The following HSP90AA1 variants were observed in gnomAD, a reference collection of about 807,000 sequenced individuals.
HSP90AA1 encodes heat shock protein 90 alpha family class A member 1, also known as heat shock protein HSP 90-alpha.
In HSP90AA1, 18 loss-of-function variants were observed where a neutral mutation model predicts 73.3. That is an observed-to-expected ratio of 0.25 (90% CI 0.17 to 0.36). HSP90AA1 has a LOEUF of 0.36. Among genes scored for constraint, HSP90AA1 ranks in the 10% least tolerant of loss-of-function variants. The pLI is 1.00. For synonymous variants in HSP90AA1, 477 were observed against 296.9 expected (o/e 1.61, Z -6.24); for missense variants, 704 against 874.2 (o/e 0.81, Z 2.45).
chr14:102,093,587 C>T (rs1417576856), intron 2 of HSP90AA1, among the ~76,000 whole-genome samples: 2 of 152,014 alleles, frequency 1.3e-5, no homozygotes, highest in Non-Finnish European at 2.9e-5. Flanking sequence ...GAATTCTGGT[C>T]CTGCCACTCG....
At chr14:102,129,490 T>G (rs1307577383) in intron 1 of HSP90AA1, among the ~76,000 whole-genome samples, 1 of 146,408 alleles carries the variant, frequency 6.8e-6, no homozygotes, top group Non-Finnish European at 1.5e-5. Flanking sequence ...ACTTTCTGTC[T>G]CTATACTACA....
upstream of HSP90AA1, among the ~76,000 whole-genome samples, chr14:102,088,119 A>C (rs540746535): frequency 4.1e-5 from 6 of 145,084 alleles, no homozygotes; most frequent in African/African-American, 1.5e-4. Flanking sequence ...CGCGGACACC[A>C]CACCTGTCTA....
chr14:102,099,451 G>C (rs2049465891), intron 2 of HSP90AA1, among the ~76,000 whole-genome samples: 1 of 152,188 alleles, frequency 6.6e-6, no homozygotes, highest in African/African-American at 2.4e-5. Flanking sequence ...CCAGCTACTT[G>C]GGAGGCTGAG....
chr14:102,134,589 G>T (rs1252456228), intron 1 of HSP90AA1, among the ~76,000 whole-genome samples: 1 of 152,036 alleles, frequency 6.6e-6, no homozygotes, highest in African/African-American at 2.4e-5. Context: ...TGGTCTCACT[G>T]GCTCAGGAGT....
intron 1 of HSP90AA1, among the ~76,000 whole-genome samples, chr14:102,138,741 C>T (rs1362760332): frequency 1.3e-5 from 2 of 152,182 alleles, no homozygotes; most frequent in Non-Finnish European, 2.9e-5. Context: ...GGCTTCCCCC[C>T]TCCCTGGAAT....
Position 102,082,115 on chromosome 14 carries a change from A to G in HSP90AA1, c.2085T>C (p.Gly695=), listed in dbSNP as rs1566717436. ...ATTACATAGTATAAGGCTTACCCAG[A>G]CCAAGTTTGATCATCCTGTAGATCC... ...ANRIYRMIKL[G]LGIDEDDPTA... The change falls in exon 10 of 11, where the codon GGT becomes GGC. Residue 695 remains glycine (G), a synonymous_variant. Transcript: ENST00000216281. 1 of 1,606,812 alleles carries G rather than the reference A, an allele frequency of 6.2e-7. No homozygotes were observed.
intron 1 of HSP90AA1, among the ~76,000 whole-genome samples, chr14:102,105,672 T>C (rs1041330210): frequency 5.3e-5 from 8 of 152,214 alleles, no homozygotes; most frequent in African/African-American, 1.9e-4. Flanking sequence ...GTGTGTTCTC[T>C]GTCCACAGGG....
upstream of HSP90AA1, among the ~76,000 whole-genome samples, chr14:102,089,699 C>A (rs2049327391): frequency 6.6e-6 from 1 of 152,068 alleles, no homozygotes; most frequent in African/African-American, 2.4e-5. Context: ...TGAGCTTCCC[C>A]CCTGTCTCCA....
At chr14:102,101,220 C>T (rs1466220069) in intron 2 of HSP90AA1, among the ~76,000 whole-genome samples, 1 of 152,230 alleles carries the variant, frequency 6.6e-6, no homozygotes, top group African/African-American at 2.4e-5. Context: ...ATTAGCAGGG[C>T]TCCAGAAGGA....
At position 102,082,643 on chromosome 14, in the gene HSP90AA1, TAG is replaced by T. The variant is rs1491217211; in HGVS notation, c.1756-201_1756-200del. On this transcript the variant is annotated intron_variant, in intron 9 of 10. Coordinates refer to ENST00000216281, the MANE Select transcript of HSP90AA1 (RefSeq NM_005348.4). ...TACATGCACAATTTTTTTTTTGAGA[TAG>T]AGTCTCGCTCCATCACCCAGGCTGG... 2.7e-5 allele frequency: 16 copies of T among 596,140 alleles called. 2 individuals carry two copies. Among genetic ancestry groups the T allele is most frequent in the South Asian group, 1.2e-4 (6 of 51,468 alleles). 36.9% of individuals were successfully genotyped at this position (596,140 alleles called of 1,614,324 possible). A position where few individuals can be genotyped will look rare whatever the true frequency, so the allele number is the denominator to read the frequency against.
upstream of HSP90AA1, among the ~76,000 whole-genome samples, chr14:102,088,584 G>T (rs1027478041): frequency 2.0e-5 from 3 of 152,212 alleles, no homozygotes; most frequent in African/African-American, 7.2e-5. Context: ...CAGCGGTGGT[G>T]ACCGGGTGTG....
At chr14:102,127,666 T>G (rs955672059) in intron 1 of HSP90AA1, among the ~76,000 whole-genome samples, 15 of 152,080 alleles carry the variant, frequency 9.9e-5, no homozygotes, top group African/African-American at 3.6e-4. Context: ...CACATACATT[T>G]TTTGAGTCAA....
rs369394114 is a variant in HSP90AA1, at chr14:102,085,834, G to A, written c.453C>T (p.Ile151=). Residue 151 remains isoleucine (I), a synonymous_variant, in exon 3 of 11, where the codon ATC becomes ATT. Transcript: ENST00000216281. ...ACTGCTCATCATCGTTATGTTTGGTGATCACAGTTACTTTCTCAGCAACCA... is the reference window on the plus strand; with the variant it reads ...ACTGCTCATCATCGTTATGTTTGGTAATCACAGTTACTTTCTCAGCAACCA... ...AYLVAEKVTV[I]TKHNDDEQYA... 8 of 1,613,786 alleles carry A rather than the reference G, an allele frequency of 5.0e-6. No individual in the cohort carries two copies. The African/African-American group carries it at 9.3e-5, about 19-fold the overall frequency.
chr14:102,108,027 C>T (rs778800130), intron 1 of HSP90AA1, among the ~76,000 whole-genome samples: 12 of 150,646 alleles, frequency 8.0e-5, no homozygotes, highest in African/African-American at 1.2e-4. Flanking sequence ...CACTTTGGGA[C>T]GCCAAAACAC....
chr14:102,083,721 A>G (rs201959410), intron 7 of HSP90AA1, 28 bp from the exon 8 acceptor site: 8 of 1,572,096 alleles, frequency 5.1e-6, no homozygotes. Flanking sequence ...CTTTACAAAG[A>G]CTTTCTGAAT....
chr14:102,135,757 C>A (rs950598460), intron 1 of HSP90AA1, among the ~76,000 whole-genome samples: 1 of 152,256 alleles, frequency 6.6e-6, no homozygotes, highest in African/African-American at 2.4e-5. Context: ...GGCCCGGGTG[C>A]TAAGTCCCTC....
chr14:102,109,147 C>T (rs2038684661), intron 1 of HSP90AA1, among the ~76,000 whole-genome samples: 2 of 152,140 alleles, frequency 1.3e-5, no homozygotes, highest in Admixed American at 1.3e-4. Context: ...TCAAAGATAA[C>T]CAACATTCTG....
At chr14:102,099,735 T>C (rs1366407641) in intron 2 of HSP90AA1, among the ~76,000 whole-genome samples, 1 of 152,222 alleles carries the variant, frequency 6.6e-6, no homozygotes, top group Non-Finnish European at 1.5e-5. Context: ...AGTGAGAAGG[T>C]GGACGCTTCA....
intron 2 of HSP90AA1, among the ~76,000 whole-genome samples, chr14:102,101,168 G>C (rs1185258986): frequency 1.3e-5 from 2 of 152,110 alleles, no homozygotes; most frequent in Non-Finnish European, 2.9e-5. Context: ...CTTTTGTCCT[G>C]TGGCTGCATG....
Sources: gnomAD v4.1 joint callset for allele counts (sites outside exome capture counted in the v4.1 genomes callset) on GRCh38, gnomAD v4.1.1 for gene constraint, MANE v1.5 for transcripts, NCBI Gene and HGNC (gene_info 2026-07-23, HGNC 2026-07-21) for gene names.